VKORC1L1: variants seen among roughly 807,000 people sequenced by gnomAD.
VKORC1L1 encodes the protein vitamin K epoxide reductase complex subunit 1L1, also known as vitamin K epoxide reductase complex subunit 1-like protein 1.
VKORC1L1 carries 2 observed loss-of-function variants against 18.9 expected under a neutral mutation model. The observed-to-expected ratio is 0.11, with a 90% confidence interval of 0.04 to 0.33. The LOEUF is 0.33. VKORC1L1 is among the 10% of genes least tolerant of loss of function. The pLI, the probability that VKORC1L1 is intolerant of heterozygous loss-of-function variation, is 1.00. For missense variants in VKORC1L1, 123 were observed against 224.1 expected (o/e 0.55, Z 2.88); for synonymous variants, 96 against 100.0 (o/e 0.96, Z 0.24).
chr7:65,955,062 T>C lies in VKORC1L1; in HGVS notation c.*762T>C, dbSNP rs1241823391. On this transcript the variant is annotated 3_prime_UTR_variant, in exon 3 of 3. Coordinates refer to ENST00000360768, the MANE Select transcript of VKORC1L1 (RefSeq NM_173517.6). ...ACGTTCAAGTCCAGTTTGTGTTCAG[T>C]CATAAAACTGGGCCAGTTGTTAACC... 1 of 152,200 alleles carries C rather than the reference T, an allele frequency of 6.6e-6. No homozygotes were observed. Among genetic ancestry groups the C allele is most frequent in the African/African-American group, 2.4e-5 (1 of 41,448 alleles). The allele number at this position is 152,200 out of a possible 1,614,324, so 9.4% of individuals were successfully genotyped here.
At chr7:65,871,692 C>G (rs1788728455), upstream of VKORC1L1, among the ~76,000 whole-genome samples, 2 of 152,126 alleles carry the variant, frequency 1.3e-5, no homozygotes, top group Admixed American at 6.6e-5. Context: ...AATGATGTCT[C>G]CAGCCAACAG....
chr7:65,915,216 C>A (rs1481069788), intron 1 of VKORC1L1, among the ~76,000 whole-genome samples: 3 of 151,144 alleles, frequency 2.0e-5, no homozygotes, highest in African/African-American at 4.9e-5. Context: ...CTCAGCCTCC[C>A]GAGTAGCTGG....
At chr7:65,866,014 A>G in the VKORC1L1 span, among the ~76,000 whole-genome samples, 105,795 of 151,616 alleles carry the variant, frequency 0.7, 38,590 homozygotes, top group African/African-American at 0.92. Context: ...CAGCTACTCG[A>G]GGGGCTAAGA....
intron 1 of VKORC1L1, among the ~76,000 whole-genome samples, chr7:65,890,071 C>T (rs564061057): frequency 1.3e-5 from 2 of 151,980 alleles, no homozygotes; most frequent in East Asian, 3.9e-4. Context: ...AATTCTCCTG[C>T]CTCAGCCTGC....
intron 1 of VKORC1L1, among the ~76,000 whole-genome samples, chr7:65,892,351 T>C (rs886841688): frequency 2.6e-5 from 4 of 152,228 alleles, no homozygotes; most frequent in African/African-American, 9.6e-5. Context: ...TTAGTTTTTT[T>C]GAGGAACGTC....
chr7:65,904,124 A>G (rs1300728852), intron 1 of VKORC1L1, among the ~76,000 whole-genome samples: 1 of 152,222 alleles, frequency 6.6e-6, no homozygotes, highest in Non-Finnish European at 1.5e-5. Context: ...ATAATGCATT[A>G]TAGGTTTTAT....
chr7:65,900,310 A>T (rs1481580627), intron 1 of VKORC1L1, among the ~76,000 whole-genome samples: 5 of 151,734 alleles, frequency 3.3e-5, no homozygotes, highest in Non-Finnish European at 1.5e-5. Context: ...GAATGGCATG[A>T]ACCCGGGAGG....
At chr7:65,930,561 T>G (rs1789841367) in intron 1 of VKORC1L1, among the ~76,000 whole-genome samples, 1 of 152,228 alleles carries the variant, frequency 6.6e-6, no homozygotes, top group Non-Finnish European at 1.5e-5. Flanking sequence ...CCTTGGTTGG[T>G]GGCTGCAGAA....
intron 1 of VKORC1L1, among the ~76,000 whole-genome samples, chr7:65,878,913 A>C (rs551412525): frequency 5.3e-5 from 8 of 152,310 alleles, no homozygotes; most frequent in African/African-American, 1.7e-4. Context: ...GTCTCAAAAA[A>C]AAAGAAAAAT....
rs183327035 is a variant in VKORC1L1, at chr7:65,958,479, T to C, written c.*4179T>C. ...ACTGGTAAATAAAACCAAATGTAAA[T>C]ATGTAAGAATGTTTATTTGTTGCAC... On this transcript the variant is annotated 3_prime_UTR_variant, in exon 3 of 3. Coordinates refer to ENST00000360768, the MANE Select transcript of VKORC1L1 (RefSeq NM_173517.6). The C allele has an allele frequency of 1.3e-5, 2 of 152,286 alleles. No homozygotes were observed. Among genetic ancestry groups the C allele is most frequent in the East Asian group, 3.9e-4 (2 of 5,186 alleles). 9.4% of individuals were successfully genotyped at this position (152,286 alleles called of 1,614,324 possible). A position where few individuals can be genotyped will look rare whatever the true frequency, so the allele number is the denominator to read the frequency against.
chr7:65,878,576 CTTAT>C (rs1562979811), intron 1 of VKORC1L1, among the ~76,000 whole-genome samples: 1 of 152,020 alleles, frequency 6.6e-6, no homozygotes, highest in Non-Finnish European at 1.5e-5. Context: ...TTCCAGAGTA[CTTAT>C]TTAAAGTCCC....
At chr7:65,925,829 A>G (rs955980626) in intron 1 of VKORC1L1, among the ~76,000 whole-genome samples, 3 of 152,186 alleles carry the variant, frequency 2.0e-5, no homozygotes, top group African/African-American at 7.2e-5. Context: ...AATACAAGAA[A>G]TTGTATAAAA....
At chr7:65,927,696 T>C (rs1252603447) in intron 1 of VKORC1L1, among the ~76,000 whole-genome samples, 1 of 152,138 alleles carries the variant, frequency 6.6e-6, no homozygotes, top group Non-Finnish European at 1.5e-5. Context: ...CTATTGGTAG[T>C]TGGATTAAGA....
upstream of VKORC1L1, among the ~76,000 whole-genome samples, chr7:65,871,425 C>A (rs1333438118): frequency 1.3e-5 from 2 of 152,142 alleles, no homozygotes; most frequent in Non-Finnish European, 2.9e-5. Flanking sequence ...GAACTCCTGA[C>A]CTCAGGTGCT....
At chr7:65,898,187 C>T (rs1367612504) in intron 1 of VKORC1L1, among the ~76,000 whole-genome samples, 9 of 138,456 alleles carry the variant, frequency 6.5e-5, no homozygotes, top group Non-Finnish European at 1.1e-4. Context: ...CTCCTGGGTT[C>T]AAGCAATTCT....
chr7:65,892,182 C>T (rs1277923306), intron 1 of VKORC1L1, among the ~76,000 whole-genome samples: 2 of 151,850 alleles, frequency 1.3e-5, no homozygotes, highest in African/African-American at 2.4e-5. Flanking sequence ...TTTATCCATT[C>T]GTCTGTTGAT....
intron 2 of VKORC1L1, among the ~76,000 whole-genome samples, chr7:65,950,394 A>G (rs968773985): frequency 2.0e-5 from 3 of 151,964 alleles, no homozygotes; most frequent in African/African-American, 7.3e-5. Flanking sequence ...TTGCATACCA[A>G]TGCTTTTGTA....
At chr7:65,907,473 C>G (rs1323602804) in intron 1 of VKORC1L1, among the ~76,000 whole-genome samples, 4 of 152,026 alleles carry the variant, frequency 2.6e-5, no homozygotes, top group Admixed American at 2.0e-4. Flanking sequence ...ATTTAAATAT[C>G]TTTCCTCATA....
At chr7:65,924,928 C>T (rs78466776) in intron 1 of VKORC1L1, among the ~76,000 whole-genome samples, 11 of 152,236 alleles carry the variant, frequency 7.2e-5, no homozygotes, top group East Asian at 1.9e-4. Context: ...GGTTCTCCCC[C>T]GCTTCCAGCT....
Sources: allele counts gnomAD v4.1 joint callset (sites outside exome capture counted in the v4.1 genomes callset), GRCh38; gene constraint gnomAD v4.1.1; transcripts MANE v1.5; gene names NCBI Gene and HGNC (gene_info 2026-07-23, HGNC 2026-07-21).